RUFY3: variants seen among roughly 807,000 people sequenced by gnomAD.
RUFY3 encodes the protein protein RUFY3.
In RUFY3, 34 loss-of-function variants were observed where a neutral mutation model predicts 84.0. The observed-to-expected ratio is 0.40, with a 90% confidence interval of 0.31 to 0.54. The LOEUF is 0.54. Ranked by LOEUF, RUFY3 falls within the 20% of genes least tolerant of loss-of-function variation. RUFY3 has a pLI of 0.39. For missense variants in RUFY3, 507 were observed against 736.8 expected (o/e 0.69, Z 3.61); for synonymous variants, 242 against 252.9 (o/e 0.96, Z 0.41).
At chr4:70,721,408 T>C (rs1742282363), upstream of RUFY3, among the ~76,000 whole-genome samples, 1 of 149,716 alleles carries the variant, frequency 6.7e-6, no homozygotes, top group African/African-American at 2.6e-5. Context: ...GATTTTACTT[T>C]TTTAACTTGA....
chr4:70,719,159 C>A (rs1441525208), upstream of RUFY3, among the ~76,000 whole-genome samples: 1 of 152,064 alleles, frequency 6.6e-6, no homozygotes, highest in Non-Finnish European at 1.5e-5. Flanking sequence ...TCTTGCCCAC[C>A]CCCGGGTCTT....
intron 9 of RUFY3, 25 bp downstream of exon 9, chr4:70,783,208 T>C (rs770001872): frequency 3.5e-6 from 5 of 1,422,276 alleles, no homozygotes; most frequent in Non-Finnish European, 5.0e-6. Context: ...ATTTATAAAA[T>C]ATTCACTGAG....
intron 12 of RUFY3, chr4:70,791,365 A>C (rs923315700): frequency 6.3e-7 from 1 of 1,598,186 alleles, no homozygotes; most frequent in Non-Finnish European, 8.5e-7. Flanking sequence ...GAAATCTGAA[A>C]GTTACTACAT....
chr4:70,760,990 C>CT (rs1426444960), intron 1 of RUFY3, among the ~76,000 whole-genome samples: 2 of 152,104 alleles, frequency 1.3e-5, no homozygotes, highest in African/African-American at 4.8e-5. Flanking sequence ...AAATAAAAAC[C>CT]TTGTATGAAG....
chr4:70,757,896 T>G (rs1000937281), intron 1 of RUFY3, among the ~76,000 whole-genome samples: 1 of 152,250 alleles, frequency 6.6e-6, no homozygotes, highest in Non-Finnish European at 1.5e-5. Context: ...GGAATGATAG[T>G]GTTAAATGCC....
upstream of RUFY3, among the ~76,000 whole-genome samples, chr4:70,718,091 G>A (rs1741833516): frequency 6.6e-6 from 1 of 151,940 alleles, no homozygotes; most frequent in Non-Finnish European, 1.5e-5. Context: ...CACCGTGTTA[G>A]CCAGGATGGT....
chr4:70,762,804 T>C, intron 2 of RUFY3, 112 bp downstream of exon 2: 3 of 910,240 alleles, frequency 3.3e-6, no homozygotes, highest in East Asian at 5.3e-5. Flanking sequence ...GAATTAATAA[T>C]ATTAATCCAT....
intron 10 of RUFY3, 40 bp downstream of exon 10, chr4:70,784,919 A>G (rs1032913656): frequency 7.2e-7 from 1 of 1,397,704 alleles, no homozygotes; most frequent in East Asian, 2.5e-5. Context: ...GGAATATATT[A>G]AAAGGTAACT....
In RUFY3 at chr4:70,806,979, TAGG is replaced by T. The variant is rs967144992; in HGVS notation, c.*323_*325del. 1 of 189,690 alleles carries T rather than the reference TAGG, an allele frequency of 5.3e-6. No individual in the cohort carries two copies. The highest frequency in any genetic ancestry group is 2.3e-5 in the African/African-American group (1 of 42,996). 11.8% of individuals were successfully genotyped at this position (189,690 alleles called of 1,614,324 possible). On this transcript the variant is annotated 3_prime_UTR_variant, in exon 18 of 18. Transcript: ENST00000381006. ...ATTAGTGATACTGGGGTGGATTTAA[TAGG>T]AGAGAGAATCCAGGCAGATAAGAAT...
chr4:70,743,494 A>G (rs971764745), intron 1 of RUFY3, among the ~76,000 whole-genome samples: 5 of 152,180 alleles, frequency 3.3e-5, no homozygotes, highest in Non-Finnish European at 5.9e-5. Flanking sequence ...GAACTTTACC[A>G]TGACTCATCA....
At chr4:70,728,417 T>C (rs558438099) in intron 1 of RUFY3, among the ~76,000 whole-genome samples, 2 of 152,278 alleles carry the variant, frequency 1.3e-5, no homozygotes, top group South Asian at 4.1e-4. Flanking sequence ...AATTCAAAAT[T>C]TGAAGTAGGG....
In RUFY3 at chr4:70,773,532, A is replaced by G. The variant is rs1288184234; in HGVS notation, c.718A>G (p.Met240Val). Residue 240 changes from methionine to valine, a missense_variant, in exon 6 of 18, where the codon ATG (methionine) becomes GTG (valine). Physicochemically the swap from Met to Val is conservative, Grantham distance 21. This residue lies in a region of RUFY3 where 133 missense variants were observed against 301.1 expected (regional missense o/e 0.44). Coordinates refer to ENST00000381006, the MANE Select transcript of RUFY3 (RefSeq NM_001037442.4). The part of the protein sequence containing the change: ...DSQVGVIDFS[M>V]YLKDGNSSKG... ...GTAGGTTGGAGTTATAGATTTTTCA[A>G]TGTATCTCAAGGACGGGAACAGCAG... is the stretch of plus-strand genomic sequence containing the variant. 6 of 1,611,432 alleles carry G rather than the reference A, an allele frequency of 3.7e-6. No individual in the cohort carries two copies. The highest frequency in any genetic ancestry group is 5.1e-6 in the Non-Finnish European group (6 of 1,177,810).
intron 1 of RUFY3, among the ~76,000 whole-genome samples, chr4:70,757,113 T>TAA (rs148444810): frequency 6.8e-6 from 1 of 147,210 alleles, no homozygotes; most frequent in South Asian, 2.1e-4. Flanking sequence ...CTACAAAAAA[T>TAA]AAAAAAAAAA....
intron 2 of RUFY3, 61 bp from the exon 3 acceptor site, chr4:70,763,491 A>G (rs1725370889): frequency 7.7e-7 from 1 of 1,300,034 alleles, no homozygotes; most frequent in Non-Finnish European, 1.1e-6. Context: ...GTGTGTGTGT[A>G]TTGAGAGTGC....
intron 14 of RUFY3, among the ~76,000 whole-genome samples, chr4:70,795,305 A>C (rs1215833959): frequency 6.6e-6 from 1 of 152,192 alleles, no homozygotes; most frequent in Non-Finnish European, 1.5e-5. Context: ...TTGCTTCTGT[A>C]TACCTTTTTC....
At chr4:70,778,229 C>T (rs1039385142) in intron 7 of RUFY3, 140 bp from the exon 8 acceptor site, 10 of 364,756 alleles carry the variant, frequency 2.7e-5, no homozygotes, top group South Asian at 2.6e-4. Context: ...AACGAGACTC[C>T]GTCTAAAAAT....
chr4:70,773,712 C>T, intron 6 of RUFY3, 140 bp downstream of exon 6: 1 of 590,992 alleles, frequency 1.7e-6, no homozygotes, highest in Admixed American at 3.1e-5. Context: ...TAAAGTCTTG[C>T]CAGAAATATC....
intron 1 of RUFY3, among the ~76,000 whole-genome samples, chr4:70,751,125 G>A (rs921326101): frequency 4.6e-5 from 7 of 152,106 alleles, no homozygotes; most frequent in African/African-American, 1.7e-4. Flanking sequence ...TGTTACATGG[G>A]TATACTGTGT....
intron 1 of RUFY3, among the ~76,000 whole-genome samples, chr4:70,749,526 T>A (rs1325430056): frequency 1.3e-5 from 2 of 148,646 alleles, no homozygotes; most frequent in Non-Finnish European, 1.5e-5. Flanking sequence ...CAAAAGGGTT[T>A]TTTTTTTTTT....
Sources: allele counts gnomAD v4.1 joint callset (sites outside exome capture counted in the v4.1 genomes callset), GRCh38; gene constraint gnomAD v4.1.1; regional missense constraint gnomAD v4.1.1; transcripts MANE v1.5; gene names NCBI Gene and HGNC (gene_info 2026-07-23, HGNC 2026-07-21).